Variants in MECOM observed in about 807,000 individuals in gnomAD.
MECOM encodes MDS1 and EVI1 complex locus, also known as histone-lysine N-methyltransferase MECOM.
A neutral mutation model predicts 116.3 loss-of-function variants in MECOM; 13 were observed. The ratio of observed to expected loss-of-function variants is 0.11; its 90% confidence interval spans 0.07 to 0.18. The LOEUF is 0.18. Ranked by LOEUF, MECOM falls within the 10% of genes least tolerant of loss-of-function variation. MECOM has a pLI of 1.00. For missense variants in MECOM, 1,299 were observed against 1,509.0 expected (o/e 0.86, Z 2.31); for synonymous variants, 528 against 535.2 (o/e 0.99, Z 0.19).
intron 1 of MECOM, among the ~76,000 whole-genome samples, chr3:169,580,789 T>C (rs1176567247): frequency 6.6e-6 from 1 of 152,216 alleles, no homozygotes; most frequent in Non-Finnish European, 1.5e-5. Context: ...TAGAAATCAA[T>C]ATAGAGTCAT....
chr3:169,332,996 C>G (rs1441378200), intron 2 of MECOM, among the ~76,000 whole-genome samples: 2 of 151,994 alleles, frequency 1.3e-5, no homozygotes, highest in Non-Finnish European at 2.9e-5. Context: ...TACTTTTTAA[C>G]AAAAGAAAGT....
intron 2 of MECOM, among the ~76,000 whole-genome samples, chr3:169,244,210 C>T (rs1464098280): frequency 6.6e-6 from 1 of 152,198 alleles, no homozygotes; most frequent in African/African-American, 2.4e-5. Context: ...ACATTTCACC[C>T]ACAGGCAATG....
chr3:169,129,776 T>G (rs1208825245), intron 4 of MECOM, among the ~76,000 whole-genome samples: 2 of 152,170 alleles, frequency 1.3e-5, no homozygotes, highest in Non-Finnish European at 2.9e-5. Context: ...TTGGGTTGAA[T>G]GCTGACCTCA....
At chr3:169,482,207 C>A (rs1486921436) in intron 1 of MECOM, among the ~76,000 whole-genome samples, 1 of 152,118 alleles carries the variant, frequency 6.6e-6, no homozygotes, top group Non-Finnish European at 1.5e-5. Flanking sequence ...ACTTCCCTTA[C>A]AGGCTGCTTA....
At chr3:169,418,703 A>T (rs1739166546) in intron 1 of MECOM, among the ~76,000 whole-genome samples, 2 of 152,158 alleles carry the variant, frequency 1.3e-5, no homozygotes, top group Non-Finnish European at 2.9e-5. Flanking sequence ...ACACCCCTTC[A>T]CGATAAAAAC....
intron 1 of MECOM, among the ~76,000 whole-genome samples, chr3:169,527,671 C>T (rs1758116075): frequency 6.6e-6 from 1 of 152,150 alleles, no homozygotes; most frequent in Admixed American, 6.5e-5. Context: ...ACAGAGGCTG[C>T]ATTGTGCCAG....
chr3:169,404,299 A>AC (rs1031555766), intron 1 of MECOM, among the ~76,000 whole-genome samples: 5 of 152,122 alleles, frequency 3.3e-5, no homozygotes, highest in Non-Finnish European at 7.4e-5. Context: ...ACACACACAC[A>AC]CACCACCACA....
At chr3:169,528,283 ACT>A (rs1182543543) in intron 1 of MECOM, among the ~76,000 whole-genome samples, 1 of 152,164 alleles carries the variant, frequency 6.6e-6, no homozygotes, top group African/African-American at 2.4e-5. Context: ...ATAAGCTGAG[ACT>A]CTAATATCCA....
At chr3:169,509,450 G>A (rs1184165798) in intron 1 of MECOM, among the ~76,000 whole-genome samples, 1 of 152,020 alleles carries the variant, frequency 6.6e-6, no homozygotes, top group Non-Finnish European at 1.5e-5. Flanking sequence ...TCATCTCCAG[G>A]GCTTTTTAAT....
intron 1 of MECOM, among the ~76,000 whole-genome samples, chr3:169,580,134 A>C (rs567176882): frequency 1.3e-5 from 2 of 152,272 alleles, no homozygotes; most frequent in African/African-American, 4.8e-5. Flanking sequence ...TTAGTAGACT[A>C]TTTGTCTATA....
chr3:169,540,210 C>T (rs1262976485), intron 1 of MECOM, among the ~76,000 whole-genome samples: 1 of 152,164 alleles, frequency 6.6e-6, no homozygotes, highest in East Asian at 1.9e-4. Context: ...TCTCCAATTC[C>T]TCTTCTGCTG....
intron 2 of MECOM, among the ~76,000 whole-genome samples, chr3:169,183,757 T>TACACAC (rs1746301748): frequency 4.7e-5 from 4 of 84,576 alleles, no homozygotes; most frequent in East Asian, 3.2e-4. Context: ...AGAAGATACA[T>TACACAC]ACATACACAC....
intron 1 of MECOM, among the ~76,000 whole-genome samples, chr3:169,540,035 C>A (rs1012441476): frequency 4.6e-5 from 7 of 152,186 alleles, no homozygotes; most frequent in South Asian, 2.1e-4. Context: ...GCATGCCAGA[C>A]TTCCGTCCTT....
At chr3:169,260,461 A>ATTT (rs200384707) in intron 2 of MECOM, among the ~76,000 whole-genome samples, 4 of 141,428 alleles carry the variant, frequency 2.8e-5, no homozygotes, top group African/African-American at 1.0e-4. Context: ...GCATGCAATG[A>ATTT]TTTTTTTTTT....
intron 2 of MECOM, among the ~76,000 whole-genome samples, chr3:169,310,733 A>ACACACATG (rs2149729896): frequency 6.6e-6 from 1 of 152,340 alleles, no homozygotes; most frequent in East Asian, 1.9e-4. Flanking sequence ...TGCACACCAC[A>ACACACATG]CACACATGCA....
At chr3:169,539,743 C>T (rs1560409156) in intron 1 of MECOM, among the ~76,000 whole-genome samples, 1 of 152,174 alleles carries the variant, frequency 6.6e-6, no homozygotes, top group Non-Finnish European at 1.5e-5. Flanking sequence ...GACCACAGCA[C>T]TTTCCTATAT....
intron 1 of MECOM, among the ~76,000 whole-genome samples, chr3:169,446,114 A>T (rs1744580337): frequency 6.6e-6 from 1 of 152,146 alleles, no homozygotes; most frequent in African/African-American, 2.4e-5. Context: ...TAGTTAAGAC[A>T]TTGGGGGACC....
rs2056680945 is a variant in MECOM at position 169,116,582 on chromosome 3, C to T, written c.1290G>A (p.Lys430=). The part of the protein sequence containing the change: ...LNKHRRFCEG[K]NHFAAGGFFG... ...AAAATCCACCTGCCGCAAAATGGTT[C>T]TTGCCCTCACAAAACCTCCTGTGTT... Residue 430 remains lysine, a synonymous_variant, in exon 8 of 17, where the codon AAG becomes AAA. Transcript: ENST00000651503. 3 of 1,614,074 alleles carry T rather than the reference C, an allele frequency of 1.9e-6. No individual in the cohort carries two copies. The highest frequency in any genetic ancestry group is 1.3e-5 in the African/African-American group (1 of 74,936).
At chr3:169,566,523 G>T (rs1763263554) in intron 1 of MECOM, among the ~76,000 whole-genome samples, 1 of 152,104 alleles carries the variant, frequency 6.6e-6, no homozygotes, top group Non-Finnish European at 1.5e-5. Flanking sequence ...CATGCAATGG[G>T]GCTTTACCTA....
Sources: gnomAD v4.1 joint callset for allele counts (sites outside exome capture counted in the v4.1 genomes callset) on GRCh38, gnomAD v4.1.1 for gene constraint, MANE v1.5 for transcripts, NCBI Gene and HGNC (gene_info 2026-07-23, HGNC 2026-07-21) for gene names.